Variants in RAI14 observed in about 807,000 individuals in gnomAD.
RAI14 encodes the protein retinoic acid induced 14, also known as ankycorbin.
A neutral mutation model predicts 115.4 loss-of-function variants in RAI14; 45 were observed. The observed-to-expected ratio is 0.39, with a 90% CI of 0.31 to 0.50. RAI14 has a LOEUF of 0.50. RAI14 is among the 20% of genes least tolerant of loss of function. The pLI, the probability that RAI14 is intolerant of heterozygous loss-of-function variation, is 0.85. For missense variants in RAI14, 939 were observed against 1,131.2 expected, an observed-to-expected ratio of 0.83 and a Z score of 2.44; for synonymous variants, 371 against 415.4, an observed-to-expected ratio of 0.89 and a Z score of 1.30.
At chr5:34,678,791 C>T (rs531172676) in intron 1 of RAI14, among the ~76,000 whole-genome samples, 1 of 152,312 alleles carries the variant, frequency 6.6e-6, no homozygotes, top group African/African-American at 2.4e-5. Context: ...CTGCAGTTCC[C>T]TTGTTGAATG....
At chr5:34,788,017 T>C (rs932053824) in intron 3 of RAI14, among the ~76,000 whole-genome samples, 6 of 147,212 alleles carry the variant, frequency 4.1e-5, no homozygotes, top group African/African-American at 1.5e-4. Flanking sequence ...TCCAGGCTCA[T>C]GCTATCCTTC....
intron 3 of RAI14, among the ~76,000 whole-genome samples, chr5:34,781,042 A>G (rs1751554662): frequency 6.6e-6 from 1 of 152,106 alleles, no homozygotes; most frequent in South Asian, 2.1e-4. Context: ...ATGCAGTCAT[A>G]AAAAAGGATG....
intron 2 of RAI14, among the ~76,000 whole-genome samples, chr5:34,726,951 G>A (rs944316587): frequency 6.6e-6 from 1 of 152,192 alleles, no homozygotes; most frequent in African/African-American, 2.4e-5. Flanking sequence ...CAGAGAATGA[G>A]GTACAGCTGT....
intron 4 of RAI14, among the ~76,000 whole-genome samples, chr5:34,800,436 G>A (rs187604925): frequency 2.0e-5 from 3 of 152,306 alleles, no homozygotes. Flanking sequence ...CAGATCCACA[G>A]CTATATGGGA....
At chr5:34,788,604 T>A (rs771349446) in intron 3 of RAI14, among the ~76,000 whole-genome samples, 6 of 152,200 alleles carry the variant, frequency 3.9e-5, no homozygotes, top group Admixed American at 2.0e-4. Flanking sequence ...GTAAAAAATA[T>A]ATAACTATAG....
At position 34,821,860 on chromosome 5, in the gene RAI14, T is replaced by C. The variant is rs373467218; in HGVS notation, c.1113+10T>C. 644 of 1,415,494 alleles carry C rather than the reference T, an allele frequency of 4.5e-4. 1 individual carries two copies. Among genetic ancestry groups the C allele is most frequent in the Non-Finnish European group, 6.3e-4 (634 of 1,002,126 alleles). The allele number at this position is 1,415,494 out of a possible 1,614,324, so 87.7% of individuals were successfully genotyped here. A position where few individuals can be genotyped will look rare whatever the true frequency, so the allele number is the denominator to read the frequency against. On this transcript the variant is annotated intron_variant, in intron 14 of 17. Coordinates refer to ENST00000265109, the MANE Select transcript of RAI14 (RefSeq NM_015577.3). ...ACAAGATAAATTACAGGTATATAAA[T>C]AGATTGCTATCATGGACTATTCTGT... is the stretch of plus-strand genomic sequence containing the variant.
At chr5:34,783,782 T>G (rs1751956029) in intron 3 of RAI14, among the ~76,000 whole-genome samples, 1 of 152,236 alleles carries the variant, frequency 6.6e-6, no homozygotes, top group African/African-American at 2.4e-5. Flanking sequence ...GTGTTTAATA[T>G]TCCATATAGA....
At chr5:34,712,781 A>G (rs537329749) in intron 2 of RAI14, among the ~76,000 whole-genome samples, 4 of 152,260 alleles carry the variant, frequency 2.6e-5, no homozygotes, top group African/African-American at 9.6e-5. Context: ...TCTTTATTAC[A>G]GGACTTCTCA....
intron 2 of RAI14, among the ~76,000 whole-genome samples, chr5:34,746,012 C>T (rs1428333665): frequency 1.3e-5 from 2 of 151,746 alleles, no homozygotes; most frequent in East Asian, 1.9e-4. Context: ...AAAGATCAGC[C>T]TTCTGCCTTG....
chr5:34,795,267 T>A (rs1277363797), intron 3 of RAI14, among the ~76,000 whole-genome samples: 2 of 152,250 alleles, frequency 1.3e-5, no homozygotes, highest in African/African-American at 4.8e-5. Flanking sequence ...AATGGTGGGC[T>A]TTCTCTAATG....
chr5:34,725,617 A>G (rs1433303254), intron 2 of RAI14, among the ~76,000 whole-genome samples: 1 of 151,918 alleles, frequency 6.6e-6, no homozygotes, highest in East Asian at 1.9e-4. Flanking sequence ...AAGACAACTC[A>G]CAGCTACTAA....
In RAI14 at chr5:34,811,867, A is replaced by G; in HGVS notation, c.658A>G (p.Asn220Asp). 6.8e-6 allele frequency: 11 copies of G among 1,613,086 alleles called. No homozygotes were observed. Among genetic ancestry groups the G allele is most frequent in the Non-Finnish European group, 9.3e-6 (11 of 1,179,276 alleles). The change falls in exon 9 of 18, where the codon AAT becomes GAT. Residue 220 changes from asparagine (N) to aspartate (D), a missense_variant. Physicochemically the swap from Asn to Asp is conservative, Grantham distance 23. Transcript: ENST00000265109. ...DLNLVDSLGY[N>D]ALHYSKLSEN... ...AAACCTTGTAGATTCTCTTGGATAC[A>G]ATGCCTTACATTATTCCAAACTCTC...
chr5:34,762,814 A>T (rs1390386827), intron 3 of RAI14, among the ~76,000 whole-genome samples: 1 of 152,198 alleles, frequency 6.6e-6, no homozygotes, highest in Non-Finnish European at 1.5e-5. Flanking sequence ...GCATTTAATT[A>T]AAGTTATGTG....
chr5:34,753,915 A>G (rs1747518873), intron 2 of RAI14, among the ~76,000 whole-genome samples: 1 of 148,988 alleles, frequency 6.7e-6, no homozygotes, highest in Admixed American at 6.7e-5. Flanking sequence ...TCTATCTCAA[A>G]AAAAAAAAAA....
At chr5:34,666,816 G>A (rs1340605907) in intron 1 of RAI14, among the ~76,000 whole-genome samples, 1 of 152,206 alleles carries the variant, frequency 6.6e-6, no homozygotes, top group South Asian at 2.1e-4. Flanking sequence ...AGGGCTGGCC[G>A]TAGTCATTGT....
intron 3 of RAI14, among the ~76,000 whole-genome samples, chr5:34,789,124 G>GA (rs1327547527): frequency 6.6e-6 from 1 of 152,132 alleles, no homozygotes; most frequent in Non-Finnish European, 1.5e-5. Flanking sequence ...TGCTCTTAAT[G>GA]AGTCATGTGC....
At chr5:34,768,711 G>A (rs1008625431) in intron 3 of RAI14, among the ~76,000 whole-genome samples, 3 of 152,148 alleles carry the variant, frequency 2.0e-5, no homozygotes, top group East Asian at 1.9e-4. Flanking sequence ...CGTGGGCCCC[G>A]GGTGCGGTGA....
intron 1 of RAI14, among the ~76,000 whole-genome samples, chr5:34,683,170 A>G (rs1326771337): frequency 6.6e-6 from 1 of 152,242 alleles, no homozygotes; most frequent in Non-Finnish European, 1.5e-5. Flanking sequence ...GCAGTGATCT[A>G]TTAATAACTT....
intron 2 of RAI14, among the ~76,000 whole-genome samples, chr5:34,746,227 TG>T (rs1283959323): frequency 6.6e-6 from 1 of 151,532 alleles, no homozygotes; most frequent in African/African-American, 2.4e-5. Context: ...TGCCTCAGCC[TG>T]CCAAGTAGCT....
Sources: allele counts gnomAD v4.1 joint callset (sites outside exome capture counted in the v4.1 genomes callset), GRCh38; gene constraint gnomAD v4.1.1; transcripts MANE v1.5; gene names NCBI Gene and HGNC (gene_info 2026-07-23, HGNC 2026-07-21).